ROBO2: variants seen among roughly 807,000 people sequenced by gnomAD.
ROBO2 encodes roundabout homolog 2.
In ROBO2, 53 loss-of-function variants were observed where a neutral mutation model predicts 160.8. The observed-to-expected ratio is 0.33, with a 90% CI of 0.26 to 0.41. ROBO2 has a LOEUF of 0.41. ROBO2 is among the 10% of genes least tolerant of loss of function. The pLI is 1.00. For missense variants in ROBO2, 1,577 were observed against 1,722.4 expected (o/e 0.92, Z 1.49); for synonymous variants, 664 against 611.7 (o/e 1.09, Z -1.26).
chr3:76,342,924 G>T (rs1162937272), intron 2 of ROBO2, among the ~76,000 whole-genome samples: 1 of 152,076 alleles, frequency 6.6e-6, no homozygotes, highest in Non-Finnish European at 1.5e-5. Context: ...ACTACAGAAT[G>T]ATGCAATTTC....
At chr3:76,121,901 T>G (rs1438602605) in intron 2 of ROBO2, among the ~76,000 whole-genome samples, 1 of 152,204 alleles carries the variant, frequency 6.6e-6, no homozygotes, top group Non-Finnish European at 1.5e-5. Context: ...ATTCAGATTT[T>G]TACTTGACTA....
chr3:77,350,696 T>G (rs1286739535), intron 2 of ROBO2, among the ~76,000 whole-genome samples: 7 of 152,180 alleles, frequency 4.6e-5, no homozygotes, highest in Non-Finnish European at 1.0e-4. Flanking sequence ...GAAGGAATCC[T>G]CTTGCAGAGT....
intron 2 of ROBO2, among the ~76,000 whole-genome samples, chr3:77,103,884 A>C (rs2072408126): frequency 1.3e-5 from 2 of 152,316 alleles, no homozygotes; most frequent in South Asian, 4.1e-4. Flanking sequence ...CAAGGTAAAG[A>C]GCTTCCTTGA....
At chr3:76,657,721 T>G (rs1560319672) in intron 2 of ROBO2, among the ~76,000 whole-genome samples, 1 of 136,316 alleles carries the variant, frequency 7.3e-6, no homozygotes, top group Admixed American at 7.1e-5. Context: ...TGTATATATA[T>G]TCATATATGA....
At chr3:76,294,376 G>A (rs1170766440) in intron 2 of ROBO2, among the ~76,000 whole-genome samples, 2 of 152,094 alleles carry the variant, frequency 1.3e-5, no homozygotes, top group East Asian at 1.9e-4. Flanking sequence ...ACGCCTCCCC[G>A]ACTGCCATCA....
At chr3:76,302,198 G>C (rs1427866457) in intron 2 of ROBO2, among the ~76,000 whole-genome samples, 1 of 151,938 alleles carries the variant, frequency 6.6e-6, no homozygotes, top group Non-Finnish European at 1.5e-5. Context: ...TTGATAATAG[G>C]AATTAGTCAT....
chr3:76,380,522 T>A (rs1024158490), intron 2 of ROBO2, among the ~76,000 whole-genome samples: 13 of 152,272 alleles, frequency 8.5e-5, no homozygotes, highest in African/African-American at 2.9e-4. Context: ...TTCCTCCTTT[T>A]TCACCTCCTC....
intron 2 of ROBO2, among the ~76,000 whole-genome samples, chr3:76,028,667 A>T (rs555534904): frequency 6.6e-6 from 1 of 152,112 alleles, no homozygotes; most frequent in East Asian, 1.9e-4. Flanking sequence ...ATAAAATTCC[A>T]GTGGTGTGAA....
At chr3:77,154,602 A>G (rs1434213862) in intron 2 of ROBO2, among the ~76,000 whole-genome samples, 1 of 152,108 alleles carries the variant, frequency 6.6e-6, no homozygotes, top group South Asian at 2.1e-4. Flanking sequence ...TCACAATAGC[A>G]AAGACATGGA....
chr3:76,358,482 A>G (rs2075308348), intron 2 of ROBO2, among the ~76,000 whole-genome samples: 1 of 151,972 alleles, frequency 6.6e-6, no homozygotes, highest in African/African-American at 2.4e-5. Flanking sequence ...AAAATTTTTT[A>G]TTCATCTTTG....
chr3:76,394,072 CTT>C (rs1160210443), intron 2 of ROBO2, among the ~76,000 whole-genome samples: 3 of 152,248 alleles, frequency 2.0e-5, no homozygotes, highest in Admixed American at 6.6e-5. Flanking sequence ...GGTCTTGACT[CTT>C]TAGCCAATTT....
intron 2 of ROBO2, among the ~76,000 whole-genome samples, chr3:76,725,523 A>T (rs554672092): frequency 1.1e-4 from 16 of 152,348 alleles, no homozygotes; most frequent in African/African-American, 3.6e-4. Context: ...ATAATGAGAC[A>T]TATGCCAGAT....
intron 2 of ROBO2, among the ~76,000 whole-genome samples, chr3:76,085,199 CAT>C (rs1458710055): frequency 2.9e-5 from 4 of 139,830 alleles, no homozygotes; most frequent in Admixed American, 7.2e-5. Context: ...TATATAGAAA[CAT>C]ATCATTAAGT....
chr3:77,056,679 T>C (rs1402797423), intron 1 of ROBO2, among the ~76,000 whole-genome samples: 2 of 152,166 alleles, frequency 1.3e-5, no homozygotes, highest in Admixed American at 6.5e-5. Flanking sequence ...ACATACAATA[T>C]TTTGGCAATT....
At chr3:76,070,073 G>T (rs2068395477) in intron 2 of ROBO2, among the ~76,000 whole-genome samples, 1 of 152,050 alleles carries the variant, frequency 6.6e-6, no homozygotes, top group Non-Finnish European at 1.5e-5. Context: ...AGTGATAATT[G>T]CATTAACTGC....
chr3:76,293,329 CT>C (rs1318005180), intron 2 of ROBO2, among the ~76,000 whole-genome samples: 1 of 152,202 alleles, frequency 6.6e-6, no homozygotes, highest in Non-Finnish European at 1.5e-5. Flanking sequence ...AATCTAATCT[CT>C]TAACTGATGG....
intron 2 of ROBO2, among the ~76,000 whole-genome samples, chr3:76,525,108 G>A (rs68111830): frequency 0.076 from 11,538 of 151,386 alleles, 797 homozygotes; most frequent in African/African-American, 0.18. Flanking sequence ...ACCCCTTAAG[G>A]GCAGCAAAAT....
chr3:76,037,913 A>G lies in ROBO2; in HGVS notation c.109+100311A>G, dbSNP rs186196939. Among the ~76,000 whole-genome samples the G allele has an allele frequency of 8.0e-3, 1,213 of 152,174 alleles. 7 individuals carry two copies. Among genetic ancestry groups the G allele is most frequent in the Non-Finnish European group, 0.012 (824 of 68,028 alleles). Reference sequence around the variant, plus strand: ...TGACAGGGGTCAAGGAGGAAGTATGAATAAGTAAAATTAACCTAGAGAGGA... The same window carrying G: ...TGACAGGGGTCAAGGAGGAAGTATGGATAAGTAAAATTAACCTAGAGAGGA... On this transcript the variant is annotated intron_variant, in intron 2 of 26. Transcript: ENST00000487694.
intron 2 of ROBO2, among the ~76,000 whole-genome samples, chr3:76,508,269 A>T (rs1333326052): frequency 6.6e-6 from 1 of 152,194 alleles, no homozygotes; most frequent in Non-Finnish European, 1.5e-5. Flanking sequence ...ATGTGAAACT[A>T]ATTAGAACTA....
Sources: allele counts gnomAD v4.1 joint callset (sites outside exome capture counted in the v4.1 genomes callset), GRCh38; gene constraint gnomAD v4.1.1; transcripts MANE v1.5; gene names NCBI Gene and HGNC (gene_info 2026-07-23, HGNC 2026-07-21).